PPP2R1B: variants seen among roughly 807,000 people sequenced by gnomAD.
The protein encoded by PPP2R1B is serine/threonine-protein phosphatase 2A 65 kDa regulatory subunit A beta isoform.
A neutral mutation model predicts 72.7 loss-of-function variants in PPP2R1B; 58 were observed. That is an observed-to-expected ratio of 0.80 (90% CI 0.65 to 0.99). PPP2R1B has a LOEUF of 0.99. PPP2R1B is among the 50% of genes least tolerant of loss of function. The probability of loss-of-function intolerance (pLI) is 0.00; values close to 1 mark genes in which losing one functional copy is unlikely to be tolerated. For synonymous variants in PPP2R1B, 256 were observed against 264.6 expected (o/e 0.97, Z 0.32); for missense variants, 695 against 733.6 (o/e 0.95, Z 0.61).
the PPP2R1B span, among the ~76,000 whole-genome samples, chr11:111,710,634 G>C: frequency 6.6e-6 from 1 of 152,194 alleles, no homozygotes; most frequent in Non-Finnish European, 1.5e-5. Context: ...TAGGAAGAAG[G>C]GGAAAGGAGG....
chr11:111,765,951 A>G (rs2136125024), intron 1 of PPP2R1B: 1 of 544,824 alleles, frequency 1.8e-6, no homozygotes, highest in African/African-American at 1.9e-5. Flanking sequence ...CGGCCACCTC[A>G]CGGCCCGGAT....
chr11:111,750,939 A>G (rs1426346884), intron 10 of PPP2R1B, among the ~76,000 whole-genome samples: 1 of 152,040 alleles, frequency 6.6e-6, no homozygotes, highest in Non-Finnish European at 1.5e-5. Context: ...CCTGGGTTCA[A>G]GCGATTCTCC....
At chr11:111,689,325 C>T in the PPP2R1B span, among the ~76,000 whole-genome samples, 6 of 152,074 alleles carry the variant, frequency 3.9e-5, no homozygotes, top group Admixed American at 3.3e-4. Flanking sequence ...ATTGGGATAA[C>T]ATGATTAGAT....
chr11:111,708,313 CAG>C, the PPP2R1B span, among the ~76,000 whole-genome samples: 1 of 152,002 alleles, frequency 6.6e-6, no homozygotes, highest in African/African-American at 2.4e-5. Context: ...ACCCAGGAGA[CAG>C]AGGTTGCAGT....
chr11:111,752,258 A>C lies in PPP2R1B; in HGVS notation c.1239T>G (p.Ser413=). 6 of 1,614,170 alleles carry C rather than the reference A, an allele frequency of 3.7e-6. No individual in the cohort carries two copies. The highest frequency in any genetic ancestry group is 5.1e-6 in the Non-Finnish European group (6 of 1,180,016). Residue 413 remains serine, a synonymous_variant, in exon 10 of 15, where the codon TCT becomes TCG. Transcript: ENST00000527614. ...VNEVIGIRQL[S]QSLLPAIVEL... is the part of the protein sequence containing the mutation. ...CCACTATGGCAGGAAGGAGAGACTG[A>C]GAGAGCTGACGGATTCCAATCACTT...
At chr11:111,718,867 GGTAAATAATTACCTCCTC>G in the PPP2R1B span, 1 of 152,222 alleles carries the variant, frequency 6.6e-6, no homozygotes, top group Admixed American at 6.5e-5. Flanking sequence ...AAGGTAATGA[GGTAAATAATTACCTCCTC>G]ACAGGGGCCT....
At chr11:111,709,514 C>T in the PPP2R1B span, among the ~76,000 whole-genome samples, 2 of 152,218 alleles carry the variant, frequency 1.3e-5, no homozygotes, top group Admixed American at 1.3e-4. Flanking sequence ...AGATTCAAAG[C>T]ACTAAACATG....
the PPP2R1B span, chr11:111,712,393 A>T: frequency 6.2e-7 from 1 of 1,608,334 alleles, no homozygotes; most frequent in Non-Finnish European, 8.5e-7. Context: ...TATGTTTGAG[A>T]GTCTCAGAAC....
chr11:111,736,380 G>T (rs1016513054), downstream of PPP2R1B, among the ~76,000 whole-genome samples: 2 of 152,192 alleles, frequency 1.3e-5, no homozygotes, highest in Non-Finnish European at 2.9e-5. Context: ...GTAGGAAGAC[G>T]TAACCCCTTT....
At chr11:111,743,355 T>C (rs1944591616) in intron 12 of PPP2R1B, 21 bp downstream of exon 12, 1 of 1,585,722 alleles carries the variant, frequency 6.3e-7, no homozygotes, top group African/African-American at 1.4e-5. Context: ...AGCTTAGCAA[T>C]AACAGTTATG....
chr11:111,754,571 T>C lies in PPP2R1B; in HGVS notation c.959-2A>G. ...CAATGGGCAAGTTCTCACCAAGTTC[T>C]AAAAGATAAATAGAAAAAAAGAATG... On this transcript the variant is annotated splice_acceptor_variant, in intron 7 of 14. Transcript: ENST00000527614. LOFTEE classifies it high-confidence loss of function. The C allele has an allele frequency of 6.3e-7, 1 of 1,597,810 alleles. No homozygotes were observed. The highest frequency in any genetic ancestry group is 8.5e-7 in the Non-Finnish European group (1 of 1,176,388).
chr11:111,713,835 C>T, the PPP2R1B span, among the ~76,000 whole-genome samples: 4 of 151,982 alleles, frequency 2.6e-5, no homozygotes, highest in Admixed American at 6.6e-5. Flanking sequence ...GGGGAGGTTG[C>T]GGGCGCCTGT....
chr11:111,697,822 C>A, the PPP2R1B span, among the ~76,000 whole-genome samples: 1 of 151,848 alleles, frequency 6.6e-6, no homozygotes, highest in African/African-American at 2.4e-5. Flanking sequence ...GAGACCTTGT[C>A]TCTACCCAAA....
At chr11:111,743,013 C>T (rs933005728) in intron 12 of PPP2R1B, among the ~76,000 whole-genome samples, 2 of 152,020 alleles carry the variant, frequency 1.3e-5, no homozygotes, top group African/African-American at 2.4e-5. Context: ...CCTGCCTCAG[C>T]CTCCCAAGTA....
downstream of PPP2R1B, among the ~76,000 whole-genome samples, chr11:111,722,930 G>C (rs1225104158): frequency 6.6e-6 from 1 of 152,190 alleles, no homozygotes; most frequent in Non-Finnish European, 1.5e-5. This position sits in a 1 kb window ranked among gnomAD's most constrained non-coding sequence, Gnocchi z 4.4. Flanking sequence ...ATCCATGGAG[G>C]ATGGTCCTGT....
the PPP2R1B span, among the ~76,000 whole-genome samples, chr11:111,719,439 T>C: frequency 6.0e-5 from 9 of 149,630 alleles, no homozygotes; most frequent in Non-Finnish European, 3.0e-5. Context: ...ATTTCCCTTA[T>C]TTAAAAAAAA....
At chr11:111,723,311 G>A (rs892476486), downstream of PPP2R1B, among the ~76,000 whole-genome samples, 2 of 152,186 alleles carry the variant, frequency 1.3e-5, no homozygotes. Context: ...CATCAGAACT[G>A]GGGGGCAAAA....
chr11:111,691,783 T>C, the PPP2R1B span, among the ~76,000 whole-genome samples: 2 of 152,234 alleles, frequency 1.3e-5, no homozygotes, highest in Non-Finnish European at 2.9e-5. Context: ...ATTAAGCTTC[T>C]ACTCTGCTCT....
intron 11 of PPP2R1B, among the ~76,000 whole-genome samples, chr11:111,746,818 T>G (rs1181882876): frequency 6.6e-6 from 1 of 152,172 alleles, no homozygotes; most frequent in East Asian, 1.9e-4. Flanking sequence ...AAGATAACTT[T>G]AGAGAAGAAA....
Sources: allele counts gnomAD v4.1 joint callset (sites outside exome capture counted in the v4.1 genomes callset), GRCh38; gene constraint gnomAD v4.1.1; non-coding constraint Gnocchi (gnomAD v3.1); transcripts MANE v1.5; gene names NCBI Gene and HGNC (gene_info 2026-07-23, HGNC 2026-07-21).